Variants in SRGAP1 observed in about 807,000 individuals in gnomAD.
SRGAP1 encodes the protein SLIT-ROBO Rho GTPase-activating protein 1.
Under a neutral mutation model 121.9 loss-of-function variants are expected in SRGAP1, and 43 were observed. That is an observed-to-expected ratio of 0.35 (90% confidence interval 0.28 to 0.46). SRGAP1 has a LOEUF of 0.46. Ranked by LOEUF, SRGAP1 falls within the 20% of genes least tolerant of loss-of-function variation. The probability of loss-of-function intolerance (pLI) is 1.00; values close to 1 mark genes in which losing one functional copy is unlikely to be tolerated. For synonymous variants in SRGAP1, 447 were observed against 485.4 expected (o/e 0.92, Z 1.04); for missense variants, 1,102 against 1,350.9 (o/e 0.82, Z 2.89).
intron 4 of SRGAP1, among the ~76,000 whole-genome samples, chr12:64,018,354 G>C (rs1036963148): frequency 1.3e-5 from 2 of 152,256 alleles, no homozygotes; most frequent in South Asian, 2.1e-4. Flanking sequence ...GCCTCTCAAA[G>C]TGTTGGCATT....
In SRGAP1 at chr12:63,844,767, A is replaced by G. The variant is rs1457760126; in HGVS notation, c.-50A>G. ...GCCTCTCCAAGGAGAACGGGTTGTG[A>G]CCACTGAACAAAACTTGCCCATTGA... is the stretch of plus-strand genomic sequence containing the variant. On this transcript the variant is annotated 5_prime_UTR_variant, in exon 1 of 22. Coordinates refer to ENST00000355086, the MANE Select transcript of SRGAP1 (RefSeq NM_020762.4). The surrounding 1 kb of genome is among the most constrained non-coding windows in gnomAD (Gnocchi z 4.3). 6.3e-7 allele frequency: 1 copy of G among 1,584,934 alleles called. No homozygotes were observed. Among genetic ancestry groups the G allele is most frequent in the African/African-American group, 1.3e-5 (1 of 74,248 alleles).
rs73321331 is a variant in SRGAP1, at chr12:64,111,553, A to C, written c.1920-209A>C. ...TTAAACCCCCTCCTGACTTTGAAAA[A>C]TGCTACTTAGTTAAGCAAATAGGAC... On this transcript the variant is annotated intron_variant, in intron 16 of 21. Transcript: ENST00000355086. 3.5e-3 allele frequency among the ~76,000 whole-genome samples: 530 copies of C among 152,282 alleles called. 5 individuals carry two copies. Among genetic ancestry groups the C allele is most frequent in the African/African-American group, 0.012 (501 of 41,568 alleles).
intron 5 of SRGAP1, 32 bp from the exon 6 acceptor site, chr12:64,043,415 C>T (rs755154476): frequency 6.3e-7 from 1 of 1,591,712 alleles, no homozygotes; most frequent in South Asian, 1.2e-5. Flanking sequence ...ACTTTGCATT[C>T]TTTCCCAATG....
At chr12:64,021,813 A>G (rs1226583550) in intron 4 of SRGAP1, among the ~76,000 whole-genome samples, 1 of 152,226 alleles carries the variant, frequency 6.6e-6, no homozygotes, top group African/African-American at 2.4e-5. Context: ...CTTCTTAGAC[A>G]TGTGTATTTA....
intron 3 of SRGAP1, among the ~76,000 whole-genome samples, chr12:64,005,216 T>G (rs918203748): frequency 6.6e-6 from 1 of 152,214 alleles, no homozygotes; most frequent in Non-Finnish European, 1.5e-5. Context: ...TATGAACTAT[T>G]TAGATTGAGA....
intron 4 of SRGAP1, among the ~76,000 whole-genome samples, chr12:64,033,855 A>C (rs2034838827): frequency 6.6e-6 from 1 of 152,106 alleles, no homozygotes; most frequent in Non-Finnish European, 1.5e-5. Flanking sequence ...CCCCATCTCT[A>C]CTAAAAATAC....
chr12:63,924,556 G>T (rs1592950519), intron 1 of SRGAP1, among the ~76,000 whole-genome samples: 1 of 152,188 alleles, frequency 6.6e-6, no homozygotes, highest in South Asian at 2.1e-4. Flanking sequence ...TTTTCAAAAA[G>T]AATATTTGTA....
In SRGAP1 at chr12:64,150,679, T is replaced by C. The variant is rs1379780839; in HGVS notation, c.*8007T>C. The C allele has an allele frequency of 1.7e-5, 1 of 60,016 alleles. No homozygotes were observed. The highest frequency in any genetic ancestry group is 1.6e-4 in the Admixed American group (1 of 6,450). 3.7% of individuals were successfully genotyped at this position (60,016 alleles called of 1,614,324 possible). On this transcript the variant is annotated 3_prime_UTR_variant, in exon 22 of 22. Coordinates refer to ENST00000355086, the MANE Select transcript of SRGAP1 (RefSeq NM_020762.4). ...AAAACAAAAAGTGGTGTCTCATGCC[T>C]GTAATCCCAGCACTTTGAGAGGCCA...
At chr12:63,939,214 G>A (rs2031772906) in intron 1 of SRGAP1, among the ~76,000 whole-genome samples, 1 of 151,422 alleles carries the variant, frequency 6.6e-6, no homozygotes, top group Admixed American at 6.6e-5. Context: ...TTCTTACTTA[G>A]GAGGAAGTAT....
At chr12:63,874,733 A>C (rs1387613831) in intron 1 of SRGAP1, among the ~76,000 whole-genome samples, 1 of 152,158 alleles carries the variant, frequency 6.6e-6, no homozygotes, top group African/African-American at 2.4e-5. Flanking sequence ...ATGAGTATAT[A>C]AAGTGCTAGA....
At chr12:63,890,381 C>T (rs1900538600) in intron 1 of SRGAP1, among the ~76,000 whole-genome samples, 1 of 152,164 alleles carries the variant, frequency 6.6e-6, no homozygotes, top group Non-Finnish European at 1.5e-5. Context: ...ACTTTTCCCT[C>T]CTCCATGCCA....
intron 1 of SRGAP1, among the ~76,000 whole-genome samples, chr12:63,977,348 A>G (rs1319404114): frequency 2.0e-5 from 3 of 152,226 alleles, no homozygotes; most frequent in African/African-American, 7.2e-5. Context: ...TGACCAAATG[A>G]GAATGTGAAA....
At chr12:63,855,888 G>A (rs1250981178) in intron 1 of SRGAP1, among the ~76,000 whole-genome samples, 3 of 152,040 alleles carry the variant, frequency 2.0e-5, no homozygotes, top group African/African-American at 4.8e-5. Flanking sequence ...TAGTATGTTC[G>A]TGATGTTAGT....
At chr12:63,928,494 T>G (rs2031344474) in intron 1 of SRGAP1, among the ~76,000 whole-genome samples, 1 of 152,200 alleles carries the variant, frequency 6.6e-6, no homozygotes, top group Non-Finnish European at 1.5e-5. Context: ...GTTTCTCAGT[T>G]GAGACAGACA....
intron 4 of SRGAP1, among the ~76,000 whole-genome samples, chr12:64,024,222 A>C (rs1353355142): frequency 6.6e-6 from 1 of 152,176 alleles, no homozygotes; most frequent in East Asian, 1.9e-4. Context: ...AGTTGAGCCC[A>C]GTTCAAGACC....
chr12:64,021,118 C>T (rs1408630726), intron 4 of SRGAP1, among the ~76,000 whole-genome samples: 2 of 152,120 alleles, frequency 1.3e-5, no homozygotes, highest in African/African-American at 4.8e-5. Flanking sequence ...CATCTGCATT[C>T]GTGGCAACAG....
At position 63,881,775 on chromosome 12, in the gene SRGAP1, G is replaced by A. The variant is rs554851418; in HGVS notation, c.67+36892G>A. Among the ~76,000 whole-genome samples, 6 of 152,252 alleles carry A rather than the reference G, an allele frequency of 3.9e-5. No homozygotes were observed. The South Asian group carries it at 1.2e-3, about 32-fold the overall frequency. On this transcript the variant is annotated intron_variant, in intron 1 of 21. Coordinates refer to ENST00000355086, the MANE Select transcript of SRGAP1 (RefSeq NM_020762.4). ...TTTGTAAACCTCTTATATGGGTAGA[G>A]TTCTAACATATTTTTGCCCTTCTTA...
intron 3 of SRGAP1, among the ~76,000 whole-genome samples, chr12:64,014,568 A>G (rs1307286910): frequency 3.3e-5 from 5 of 152,162 alleles, no homozygotes; most frequent in Admixed American, 3.3e-4. Context: ...CCATGACACA[A>G]GTTTACCTAT....
At chr12:63,887,703 T>TC (rs1377141908) in intron 1 of SRGAP1, 6 of 152,178 alleles carry the variant, frequency 3.9e-5, no homozygotes, top group African/African-American at 1.4e-4. Context: ...TCCCACACTC[T>TC]CCCCCGGGAA....
Sources: gnomAD v4.1 joint callset for allele counts (sites outside exome capture counted in the v4.1 genomes callset) on GRCh38, gnomAD v4.1.1 for gene constraint, Gnocchi (gnomAD v3.1) non-coding constraint, MANE v1.5 for transcripts, NCBI Gene and HGNC (gene_info 2026-07-23, HGNC 2026-07-21) for gene names.